The following UBE4A variants were observed in gnomAD, a reference collection of about 807,000 sequenced individuals.
The protein encoded by UBE4A is ubiquitination factor E4A, also known as ubiquitin conjugation factor E4 A.
A neutral mutation model predicts 117.9 loss-of-function variants in UBE4A; 48 were observed. The observed-to-expected ratio is 0.41, with a 90% CI of 0.32 to 0.52. The LOEUF (loss-of-function observed/expected upper bound fraction) is 0.52, where lower values mean the gene tolerates loss of function less well. Ranked by LOEUF, UBE4A falls within the 20% of genes least tolerant of loss-of-function variation. The pLI, the probability that UBE4A is intolerant of heterozygous loss-of-function variation, is 0.33. For missense variants in UBE4A, 1,067 were observed against 1,296.3 expected (o/e 0.82, Z 2.72); for synonymous variants, 407 against 450.0 (o/e 0.90, Z 1.21).
chr11:118,369,854 GAGGCTGAGGC>G (rs1948595036), intron 4 of UBE4A, among the ~76,000 whole-genome samples: 1 of 152,064 alleles, frequency 6.6e-6, no homozygotes, highest in African/African-American at 2.4e-5. Context: ...AGCACTTTGG[GAGGCTGAGGC>G]AGGTGGATCA....
chr11:118,374,082 C>T (rs1948631149), intron 8 of UBE4A, among the ~76,000 whole-genome samples: 1 of 152,032 alleles, frequency 6.6e-6, no homozygotes, highest in South Asian at 2.1e-4. Flanking sequence ...TCATCACGCT[C>T]CGGCCTGGAT....
In UBE4A at chr11:118,398,838, G is replaced by A. The variant is rs1308542445; in HGVS notation, c.*2398G>A. On this transcript the variant is annotated 3_prime_UTR_variant, in exon 20 of 20. Coordinates refer to ENST00000252108, the MANE Select transcript of UBE4A (RefSeq NM_001204077.2). ...TTTTAATGGATATGTGAAAACTGAAGGAAATGTTAAAGGTTTTTTAATGGT... is the reference window on the plus strand; with the variant it reads ...TTTTAATGGATATGTGAAAACTGAAAGAAATGTTAAAGGTTTTTTAATGGT... 2 of 182,010 alleles carry A rather than the reference G, an allele frequency of 1.1e-5. No individual in the cohort carries two copies. Among genetic ancestry groups the A allele is most frequent in the Non-Finnish European group, 2.4e-5 (2 of 83,418 alleles). 11.3% of individuals were successfully genotyped at this position (182,010 alleles called of 1,614,324 possible). A position where few individuals can be genotyped will look rare whatever the true frequency, so the allele number is the denominator to read the frequency against.
At chr11:118,379,772 AATGT>A in intron 11 of UBE4A, 22 bp downstream of exon 11, 1 of 1,600,070 alleles carries the variant, frequency 6.2e-7, no homozygotes, top group Non-Finnish European at 8.6e-7. Flanking sequence ...CTCCCTTGGG[AATGT>A]CCTGTTTATA....
At position 118,393,763 on chromosome 11, in the gene UBE4A, T is replaced by A. The variant is rs371748611; in HGVS notation, c.3074+868T>A. 4.6e-5 allele frequency among the ~76,000 whole-genome samples: 7 copies of A among 151,960 alleles called. No individual in the cohort carries two copies. The East Asian group carries it at 7.7e-4, about 17-fold the overall frequency. ...GGTGAGCACCACCACATCTGGCTAA[T>A]TTTTGTATTTGTAATAGAGATGAGG... On this transcript the variant is annotated intron_variant, in intron 19 of 19. Transcript: ENST00000252108.
At chr11:118,387,704 C>A (rs147828660) in intron 16 of UBE4A, among the ~76,000 whole-genome samples, 112 of 152,140 alleles carry the variant, frequency 7.4e-4, no homozygotes, top group African/African-American at 2.7e-3. Flanking sequence ...CTAAAATAGC[C>A]CAGAGAAGTC....
intron 19 of UBE4A, among the ~76,000 whole-genome samples, chr11:118,393,619 A>C (rs1252277106): frequency 2.0e-5 from 3 of 150,746 alleles, no homozygotes; most frequent in African/African-American, 7.3e-5. Context: ...TTTTTGCGAC[A>C]GAGTCTCGCT....
At chr11:118,363,704 C>A in intron 1 of UBE4A, among the ~76,000 whole-genome samples, 1 of 151,926 alleles carries the variant, frequency 6.6e-6, no homozygotes, top group Middle Eastern at 3.4e-3. Flanking sequence ...CTCTGCCTCC[C>A]GAGTCCAAGC....
chr11:118,395,454 A>G (rs1459002680), intron 19 of UBE4A, among the ~76,000 whole-genome samples: 1 of 152,252 alleles, frequency 6.6e-6, no homozygotes, highest in Admixed American at 6.5e-5. Flanking sequence ...GAACTTATGT[A>G]TAGGCCAAGA....
intron 19 of UBE4A, among the ~76,000 whole-genome samples, chr11:118,393,174 T>C (rs1555128918): frequency 6.6e-6 from 1 of 152,138 alleles, no homozygotes; most frequent in Non-Finnish European, 1.5e-5. Context: ...CCCAGCACTT[T>C]GGGAGGCCGA....
chr11:118,381,583 C>A, intron 12 of UBE4A, 60 bp downstream of exon 12: 1 of 1,576,522 alleles, frequency 6.3e-7, no homozygotes, highest in Non-Finnish European at 8.6e-7. Context: ...CAGAAGACTT[C>A]TAAACCAAGA....
rs1486668155 is a variant in UBE4A at position 118,359,685 on chromosome 11, C to T, written c.-42+11C>T. 2 of 152,226 alleles carry T rather than the reference C, an allele frequency of 1.3e-5. No homozygotes were observed. The highest frequency in any genetic ancestry group is 4.8e-5 in the African/African-American group (2 of 41,436). The allele number at this position is 152,226 out of a possible 1,614,324, so 9.4% of individuals were successfully genotyped here. A position where few individuals can be genotyped will look rare whatever the true frequency, so the allele number is the denominator to read the frequency against. On this transcript the variant is annotated intron_variant, in intron 1 of 19. Transcript: ENST00000252108. Reference sequence around the variant, plus strand: ...GCACTTCAGGCTCTGGTAAGACAGGCAATAGCTTCAGGGGACGGGGTCGTT... The same window carrying T: ...GCACTTCAGGCTCTGGTAAGACAGGTAATAGCTTCAGGGGACGGGGTCGTT...
At chr11:118,379,370 A>G in intron 10 of UBE4A, 76 bp from the exon 11 acceptor site, 7 of 1,465,164 alleles carry the variant, frequency 4.8e-6, no homozygotes, top group Non-Finnish European at 6.5e-6. Flanking sequence ...AGAAGGCTAG[A>G]TAAATAATTG....
rs782330149 is a variant in UBE4A, at chr11:118,396,469, A to G, written c.*29A>G. 2.5e-6 allele frequency: 4 copies of G among 1,596,920 alleles called. No individual in the cohort carries two copies. The highest frequency in any genetic ancestry group is 1.1e-5 in the South Asian group (1 of 88,932). On this transcript the variant is annotated 3_prime_UTR_variant, in exon 20 of 20. Coordinates refer to ENST00000252108, the MANE Select transcript of UBE4A (RefSeq NM_001204077.2). ...CTGTGAACTAACCAAACCAAAACCA[A>G]CCCCAGAGTGCAGATAAACAATTGT...
intron 19 of UBE4A, 50 bp downstream of exon 19, chr11:118,392,945 G>C (rs1474742675): frequency 1.3e-6 from 2 of 1,570,686 alleles, no homozygotes; most frequent in East Asian, 4.5e-5. Flanking sequence ...ATATTAGTTT[G>C]CTATCTTTTT....
chr11:118,387,330 A>G (rs1392982359), intron 16 of UBE4A, among the ~76,000 whole-genome samples: 13 of 152,216 alleles, frequency 8.5e-5, no homozygotes, highest in Admixed American at 8.5e-4. Flanking sequence ...AGGCAATGAA[A>G]GAGATTATTT....
intron 10 of UBE4A, among the ~76,000 whole-genome samples, 197 bp from the exon 11 acceptor site, chr11:118,379,249 G>T (rs1948678781): frequency 6.6e-6 from 1 of 152,176 alleles, no homozygotes; most frequent in Admixed American, 6.5e-5. Flanking sequence ...CAATTATGTT[G>T]AATACTTGGC....
At chr11:118,383,586 C>CT (rs1485422280) in intron 13 of UBE4A, among the ~76,000 whole-genome samples, 7 of 108,806 alleles carry the variant, frequency 6.4e-5, no homozygotes, top group Middle Eastern at 0.012. Context: ...AGAAATCCCT[C>CT]TCAAAAAAAA....
At chr11:118,363,980 C>G (rs1182610931) in intron 1 of UBE4A, among the ~76,000 whole-genome samples, 2 of 152,012 alleles carry the variant, frequency 1.3e-5, no homozygotes, top group Non-Finnish European at 2.9e-5. Context: ...AAAGGTAGAC[C>G]AAATGTTCTT....
intron 6 of UBE4A, 85 bp from the exon 7 acceptor site, chr11:118,373,001 A>G: frequency 8.2e-7 from 1 of 1,213,408 alleles, no homozygotes; most frequent in Non-Finnish European, 1.1e-6. Flanking sequence ...AAAAAAAAAA[A>G]GAATTATTGA....
Sources: gnomAD v4.1 joint callset for allele counts (sites outside exome capture counted in the v4.1 genomes callset) on GRCh38, gnomAD v4.1.1 for gene constraint, MANE v1.5 for transcripts, NCBI Gene and HGNC (gene_info 2026-07-23, HGNC 2026-07-21) for gene names.